Variants in EDIL3 observed in about 807,000 individuals in gnomAD.
The protein encoded by EDIL3 is EGF-like repeat and discoidin I-like domain-containing protein 3.
Under a neutral mutation model 67.4 loss-of-function variants are expected in EDIL3, and 37 were observed. The observed-to-expected ratio is 0.55, with a 90% confidence interval of 0.42 to 0.72. The LOEUF is 0.72. Ranked by LOEUF, EDIL3 falls within the 30% of genes least tolerant of loss-of-function variation. EDIL3 has a pLI of 0.00. For synonymous variants in EDIL3, 195 were observed against 196.3 expected (o/e 0.99, Z 0.05); for missense variants, 527 against 586.3 (o/e 0.90, Z 1.04).
chr5:84,172,022 G>A (rs1006929243), intron 4 of EDIL3, among the ~76,000 whole-genome samples: 9 of 152,148 alleles, frequency 5.9e-5, no homozygotes, highest in Non-Finnish European at 1.2e-4. Context: ...GGATTGGCAA[G>A]AGGAATCTGT....
intron 6 of EDIL3, among the ~76,000 whole-genome samples, chr5:84,079,947 G>A (rs978144202): frequency 6.6e-6 from 1 of 151,598 alleles, no homozygotes; most frequent in South Asian, 2.1e-4. Context: ...GAAGCATCAT[G>A]AACACACCTA....
chr5:84,312,339 C>A (rs1182941545), intron 1 of EDIL3, among the ~76,000 whole-genome samples: 1 of 141,148 alleles, frequency 7.1e-6, no homozygotes, highest in African/African-American at 2.7e-5. Flanking sequence ...GGGGGCTGAC[C>A]CCCCCACCTC....
intron 9 of EDIL3, among the ~76,000 whole-genome samples, chr5:83,990,125 C>T (rs755628156): frequency 1.3e-5 from 2 of 152,126 alleles, no homozygotes; most frequent in African/African-American, 2.4e-5. Flanking sequence ...GGTCTGGACT[C>T]CTGAGTCACA....
chr5:84,025,720 T>A (rs1561407159), intron 9 of EDIL3, among the ~76,000 whole-genome samples: 1 of 152,066 alleles, frequency 6.6e-6, no homozygotes, highest in Non-Finnish European at 1.5e-5. Context: ...AAAGATAAAT[T>A]ATATGAAAGC....
Position 84,340,503 on chromosome 5 carries a change from ACT to A in EDIL3, c.67+43803_67+43804del, listed in dbSNP as rs1170972212. 7.6e-3 allele frequency among the ~76,000 whole-genome samples: 292 copies of A among 38,646 alleles called. 6 individuals carry two copies. The highest frequency in any genetic ancestry group is 0.022 in the Middle Eastern group (1 of 46). The allele number at this position is 38,646 out of a possible 152,430, so 25.4% of individuals were successfully genotyped here. A position where few individuals can be genotyped will look rare whatever the true frequency, so the allele number is the denominator to read the frequency against. On this transcript the variant is annotated intron_variant, in intron 1 of 10. Transcript: ENST00000296591. ...CATGGAATTTCACAAAGGGAAGATT[ACT>A]CTCTCTCTCTCTCTCTCTCTCTCTC...
intron 9 of EDIL3, among the ~76,000 whole-genome samples, chr5:83,964,046 T>C (rs911937422): frequency 1.5e-4 from 23 of 151,912 alleles, no homozygotes; most frequent in African/African-American, 5.6e-4. Flanking sequence ...ATGCTCATAA[T>C]GTGTTCTTTT....
chr5:84,344,064 T>G (rs1747184836), intron 1 of EDIL3, among the ~76,000 whole-genome samples: 1 of 152,096 alleles, frequency 6.6e-6, no homozygotes, highest in Non-Finnish European at 1.5e-5. Flanking sequence ...TACCTATCTC[T>G]GAAAACACAC....
chr5:84,264,912 C>T (rs1257112135), intron 1 of EDIL3, among the ~76,000 whole-genome samples: 2 of 152,174 alleles, frequency 1.3e-5, no homozygotes, highest in African/African-American at 4.8e-5. Context: ...ACAGAATCTT[C>T]TTATTTAGAT....
At chr5:84,292,012 T>A (rs1412174736) in intron 1 of EDIL3, among the ~76,000 whole-genome samples, 1 of 151,860 alleles carries the variant, frequency 6.6e-6, no homozygotes, top group Non-Finnish European at 1.5e-5. Context: ...CAGTGCTACA[T>A]CTCTACTGCC....
At chr5:84,070,421 T>C (rs560370767) in intron 6 of EDIL3, among the ~76,000 whole-genome samples, 5 of 152,246 alleles carry the variant, frequency 3.3e-5, no homozygotes, top group African/African-American at 9.6e-5. Flanking sequence ...GACCTGCCCA[T>C]CTGTCTCCTC....
At chr5:84,135,852 T>C (rs1748082635) in intron 5 of EDIL3, among the ~76,000 whole-genome samples, 1 of 152,178 alleles carries the variant, frequency 6.6e-6, no homozygotes, top group East Asian at 1.9e-4. Flanking sequence ...AAGATTTCTC[T>C]ATGATATTCA....
At chr5:84,133,500 G>A (rs1396519981) in intron 5 of EDIL3, among the ~76,000 whole-genome samples, 1 of 150,974 alleles carries the variant, frequency 6.6e-6, no homozygotes, top group Non-Finnish European at 1.5e-5. Flanking sequence ...GCCAGGAGTG[G>A]TGGTGCGTGC....
At chr5:84,198,875 G>T (rs1743774318) in intron 3 of EDIL3, among the ~76,000 whole-genome samples, 1 of 152,062 alleles carries the variant, frequency 6.6e-6, no homozygotes, top group Admixed American at 6.6e-5. Flanking sequence ...GGTCACCAAA[G>T]ACATTAAGGT....
chr5:84,276,885 T>G (rs1353274425), intron 1 of EDIL3, among the ~76,000 whole-genome samples: 2 of 152,166 alleles, frequency 1.3e-5, no homozygotes, highest in African/African-American at 4.8e-5. Flanking sequence ...ATATACTTAC[T>G]TTTTGACTTT....
At chr5:84,254,434 T>C (rs749481637) in intron 1 of EDIL3, among the ~76,000 whole-genome samples, 4 of 152,212 alleles carry the variant, frequency 2.6e-5, no homozygotes, top group Non-Finnish European at 4.4e-5. Flanking sequence ...ACACTGCCTC[T>C]GAAAGCTATT....
chr5:84,378,875 C>G (rs1748023489), intron 1 of EDIL3, among the ~76,000 whole-genome samples: 1 of 152,186 alleles, frequency 6.6e-6, no homozygotes, highest in African/African-American at 2.4e-5. Context: ...TTGACATTAT[C>G]ATCTTCCTTT....
intron 1 of EDIL3, among the ~76,000 whole-genome samples, chr5:84,365,624 C>T (rs1448951817): frequency 1.3e-5 from 2 of 152,026 alleles, no homozygotes; most frequent in African/African-American, 2.4e-5. Flanking sequence ...TCCCCAAATG[C>T]AATAATTTAA....
At chr5:84,136,329 A>G (rs529326614) in intron 5 of EDIL3, among the ~76,000 whole-genome samples, 5 of 152,316 alleles carry the variant, frequency 3.3e-5, no homozygotes, top group Non-Finnish European at 1.5e-5. Flanking sequence ...ATCATACGAT[A>G]TACATCGAAG....
rs1229298711 is a variant in EDIL3 at position 84,356,885 on chromosome 5, C to CTTTTTTTT, written c.67+27422_67+27423insAAAAAAAA. 5.3e-4 allele frequency among the ~76,000 whole-genome samples: 21 copies of CTTTTTTTT among 39,354 alleles called. 1 individual carries two copies. The highest frequency in any genetic ancestry group is 1.7e-3 in the African/African-American group (20 of 11,544). The allele number at this position is 39,354 out of a possible 152,430, so 25.8% of individuals were successfully genotyped here. A position where few individuals can be genotyped will look rare whatever the true frequency, so the allele number is the denominator to read the frequency against. The stretch of plus-strand genomic sequence containing the variant: ...TCAGGACCTTGAGAAAACAATCTTT[C>CTTTTTTTT]TTTCTTTTTTTTTTTTTTTTTTTTT... On this transcript the variant is annotated intron_variant, in intron 1 of 10. Transcript: ENST00000296591.
Sources: allele counts gnomAD v4.1 joint callset (sites outside exome capture counted in the v4.1 genomes callset), GRCh38; gene constraint gnomAD v4.1.1; transcripts MANE v1.5; gene names NCBI Gene and HGNC (gene_info 2026-07-23, HGNC 2026-07-21).